The following TLK1 variants were observed in gnomAD, a reference collection of about 807,000 sequenced individuals.
The protein encoded by TLK1 is serine/threonine-protein kinase tousled-like 1.
Under a neutral mutation model 105.3 loss-of-function variants are expected in TLK1, and 24 were observed. That is an observed-to-expected ratio of 0.23 (90% CI 0.17 to 0.32). TLK1 has a LOEUF of 0.32. Ranked by LOEUF, TLK1 falls within the 10% of genes least tolerant of loss-of-function variation. The pLI is 1.00. For missense variants in TLK1, 558 were observed against 910.5 expected (o/e 0.61, Z 4.98); for synonymous variants, 321 against 310.4 (o/e 1.03, Z -0.36).
At chr2:171,027,589 A>G (rs779738535) in intron 12 of TLK1, among the ~76,000 whole-genome samples, 1 of 152,234 alleles carries the variant, frequency 6.6e-6, no homozygotes, top group African/African-American at 2.4e-5. Flanking sequence ...GAAACATCAC[A>G]CATGCAACAA....
intron 1 of TLK1, among the ~76,000 whole-genome samples, chr2:171,148,167 G>A (rs1037304088): frequency 2.0e-5 from 3 of 152,126 alleles, no homozygotes; most frequent in Non-Finnish European, 4.4e-5. Context: ...TGCTATTACA[G>A]GCATGAGCCA....
At chr2:171,055,250 A>C (rs1237682372) in intron 6 of TLK1, 78 bp from the exon 7 acceptor site, 1 of 842,578 alleles carries the variant, frequency 1.2e-6, no homozygotes, top group Non-Finnish European at 1.7e-6. Context: ...TCTAATTAGC[A>C]ACAATTACTT....
chr2:171,200,687 T>C (rs1475698684), intron 1 of TLK1, among the ~76,000 whole-genome samples: 1 of 152,196 alleles, frequency 6.6e-6, no homozygotes, highest in Non-Finnish European at 1.5e-5. Context: ...AGCACTACAC[T>C]GGGCAATATA....
At chr2:171,053,142 T>C (rs189963257) in intron 8 of TLK1, among the ~76,000 whole-genome samples, 7 of 152,310 alleles carry the variant, frequency 4.6e-5, no homozygotes, top group African/African-American at 1.4e-4. Flanking sequence ...CTTCATCGTA[T>C]AGGTATCAGA....
intron 3 of TLK1, among the ~76,000 whole-genome samples, chr2:171,065,160 T>C (rs1009273624): frequency 1.3e-5 from 2 of 152,128 alleles, no homozygotes; most frequent in African/African-American, 4.8e-5. Flanking sequence ...TAACCACCTG[T>C]ATAAGCCTCA....
intron 12 of TLK1, among the ~76,000 whole-genome samples, chr2:171,026,866 T>C (rs1685798716): frequency 1.3e-5 from 2 of 152,132 alleles, no homozygotes. Flanking sequence ...TTATAGAGAA[T>C]AGACTTAAGT....
In TLK1 at chr2:171,160,206, G is replaced by GGCGGGGGGGGCGGGGGGGGGGC; in HGVS notation, c.139+62_139+83dup. ...CCAGGGTCTGGCGGAGAAGCCCCGG[G>GGCGGGGGGGGCGGGGGGGGGGC]GCGGGGGGGGCGGGGGGGGGGCGCG... On this transcript the variant is annotated intron_variant, in intron 1 of 20. Transcript: ENST00000431350. This position sits in a 1 kb window ranked among gnomAD's most constrained non-coding sequence, Gnocchi z 4.4. The GGCGGGGGGGGCGGGGGGGGGGC allele has an allele frequency of 8.0e-7, 1 of 1,256,094 alleles. No individual in the cohort carries two copies. Among genetic ancestry groups the GGCGGGGGGGGCGGGGGGGGGGC allele is most frequent in the Non-Finnish European group, 1.0e-6 (1 of 995,080 alleles). The allele number at this position is 1,256,094 out of a possible 1,614,324, so 77.8% of individuals were successfully genotyped here. A position where few individuals can be genotyped will look rare whatever the true frequency, so the allele number is the denominator to read the frequency against.
intron 1 of TLK1, among the ~76,000 whole-genome samples, chr2:171,142,639 TTAAACA>T (rs1286358295): frequency 6.6e-6 from 1 of 152,152 alleles, no homozygotes; most frequent in Non-Finnish European, 1.5e-5. Flanking sequence ...AACTGACAAA[TTAAACA>T]GAGAGACAAA....
chr2:171,146,813 CTT>C (rs1201450358), intron 1 of TLK1, among the ~76,000 whole-genome samples: 1 of 152,130 alleles, frequency 6.6e-6, no homozygotes, highest in African/African-American at 2.4e-5. Flanking sequence ...TTTTAGAAAA[CTT>C]TATTTCACAG....
At chr2:171,228,027 T>C (rs1693933122) in intron 1 of TLK1, among the ~76,000 whole-genome samples, 1 of 151,898 alleles carries the variant, frequency 6.6e-6, no homozygotes, top group Admixed American at 6.6e-5. Flanking sequence ...AATACAAAAA[T>C]TAGCCAGGTG....
At chr2:171,211,582 C>T (rs939509302) in intron 1 of TLK1, among the ~76,000 whole-genome samples, 20 of 151,736 alleles carry the variant, frequency 1.3e-4, no homozygotes, top group Non-Finnish European at 2.9e-4. Flanking sequence ...TAGAGTCTTG[C>T]GCTGTCGCCC....
Position 171,160,079 on chromosome 2 carries a change from TCTC to T in TLK1, c.139+208_139+210del, listed in dbSNP as rs1338373409. On this transcript the variant is annotated intron_variant, in intron 1 of 20. Transcript: ENST00000431350. The surrounding 1 kb of genome is among the most constrained non-coding windows in gnomAD (Gnocchi z 4.4). ...CCACCAGCGCGCACCCCCTCGTCCG[TCTC>T]CTCCGCCACCCGCGAACCACCATCC... is the stretch of plus-strand genomic sequence containing the variant. Among the ~76,000 whole-genome samples, 1 of 151,908 alleles carries T rather than the reference TCTC, an allele frequency of 6.6e-6. No homozygotes were observed. The highest frequency in any genetic ancestry group is 1.9e-4 in the East Asian group (1 of 5,150).
chr2:171,077,348 T>C (rs34518725), intron 3 of TLK1, among the ~76,000 whole-genome samples: 50,397 of 152,030 alleles, frequency 0.33, 8,758 homozygotes, highest in African/African-American at 0.38. Flanking sequence ...CTCTTTTCCC[T>C]CTCTCTTCAG....
chr2:171,118,129 A>G (rs965065098), intron 1 of TLK1, among the ~76,000 whole-genome samples: 1 of 152,214 alleles, frequency 6.6e-6, no homozygotes, highest in Admixed American at 6.5e-5. Context: ...CATATATTTA[A>G]AAGTTTCACA....
chr2:171,002,281 CAG>C (rs1317060577), intron 18 of TLK1, among the ~76,000 whole-genome samples: 1 of 151,832 alleles, frequency 6.6e-6, no homozygotes, highest in African/African-American at 2.4e-5. Context: ...ACTTTTGAGA[CAG>C]AGTCTGGCTC....
At chr2:171,185,383 A>G (rs1693008194) in intron 1 of TLK1, among the ~76,000 whole-genome samples, 1 of 152,110 alleles carries the variant, frequency 6.6e-6, no homozygotes, top group African/African-American at 2.4e-5. Flanking sequence ...GCTACCCTTC[A>G]TCTTCAATAC....
Position 171,191,233 on chromosome 2 carries a change from C to T in TLK1, c.-6+39912G>A, listed in dbSNP as rs1693142034. On this transcript the variant is annotated intron_variant, in intron 1 of 20. Transcript: ENST00000521943. ...TCCAAATTGGGTAACTTTCAAGTCC[C>T]ATAAAATCAGGATCTGCCCTTATGG... 2.6e-5 allele frequency among the ~76,000 whole-genome samples: 4 copies of T among 151,996 alleles called. No individual in the cohort carries two copies. The South Asian group carries it at 8.3e-4, about 32-fold the overall frequency.
At chr2:171,161,240 A>G (rs1213047686), upstream of TLK1, among the ~76,000 whole-genome samples, 9 of 149,782 alleles carry the variant, frequency 6.0e-5, no homozygotes, top group African/African-American at 1.7e-4. Context: ...CTGCCACCTG[A>G]CTCCCCCTGT....
intron 20 of TLK1, chr2:170,994,856 G>C (rs540089978): frequency 4.4e-5 from 16 of 360,572 alleles, no homozygotes; most frequent in Middle Eastern, 8.7e-4. Flanking sequence ...CCTTTTTTGG[G>C]GGGGGAGGGA....
Sources: gnomAD v4.1 joint callset for allele counts (sites outside exome capture counted in the v4.1 genomes callset) on GRCh38, gnomAD v4.1.1 for gene constraint, Gnocchi (gnomAD v3.1) non-coding constraint, MANE v1.5 for transcripts, NCBI Gene and HGNC (gene_info 2026-07-23, HGNC 2026-07-21) for gene names.